Variants in BRINP3 observed in about 807,000 individuals in gnomAD.
BRINP3 encodes the protein BMP/retinoic acid-inducible neural-specific protein 3.
A neutral mutation model predicts 71.0 loss-of-function variants in BRINP3; 19 were observed. The observed-to-expected ratio is 0.27, with a 90% CI of 0.19 to 0.39. BRINP3 has a LOEUF of 0.39. BRINP3 is among the 10% of genes least tolerant of loss of function. The pLI, the probability that BRINP3 is intolerant of heterozygous loss-of-function variation, is 1.00. For missense variants in BRINP3, 959 were observed against 940.8 expected, an observed-to-expected ratio of 1.02 and a Z score of -0.25; for synonymous variants, 380 against 337.7, an observed-to-expected ratio of 1.13 and a Z score of -1.37.
chr1:190,355,247 A>T (rs896965991), intron 2 of BRINP3, among the ~76,000 whole-genome samples: 7 of 151,922 alleles, frequency 4.6e-5, no homozygotes, highest in African/African-American at 1.7e-4. Context: ...CATTCAAATA[A>T]TACAACCTTT....
At chr1:190,422,950 G>C (rs1391817973) in intron 2 of BRINP3, among the ~76,000 whole-genome samples, 1 of 151,644 alleles carries the variant, frequency 6.6e-6, no homozygotes, top group Admixed American at 6.6e-5. Flanking sequence ...ATATTTTTAA[G>C]AATCCTTGAA....
intron 6 of BRINP3, among the ~76,000 whole-genome samples, chr1:190,166,258 T>C (rs1651529085): frequency 6.6e-6 from 1 of 152,190 alleles, no homozygotes; most frequent in Non-Finnish European, 1.5e-5. Context: ...CATAAGGGTA[T>C]AAATCAGAAA....
chr1:190,100,902 G>A (rs1651645499), intron 7 of BRINP3, among the ~76,000 whole-genome samples: 1 of 152,070 alleles, frequency 6.6e-6, no homozygotes, highest in South Asian at 2.1e-4. Context: ...ATTGTGAGGT[G>A]GTATCTAATG....
At chr1:190,472,271 G>A (rs1340809351) in intron 1 of BRINP3, among the ~76,000 whole-genome samples, 1 of 151,454 alleles carries the variant, frequency 6.6e-6, no homozygotes, top group African/African-American at 2.4e-5. Context: ...TTAATGCCAG[G>A]TAGAACTAGA....
At chr1:190,354,293 A>G (rs1277497275) in intron 2 of BRINP3, among the ~76,000 whole-genome samples, 1 of 151,940 alleles carries the variant, frequency 6.6e-6, no homozygotes, top group Non-Finnish European at 1.5e-5. Context: ...ATGGGGTGCT[A>G]GTGGCATTAC....
chr1:190,316,947 C>A (rs547632997), intron 2 of BRINP3, among the ~76,000 whole-genome samples: 2 of 151,802 alleles, frequency 1.3e-5, no homozygotes, highest in African/African-American at 2.4e-5. Flanking sequence ...CTGAGGTGGG[C>A]GGATCACCTG....
chr1:190,425,717 C>T (rs1673660618), intron 2 of BRINP3, among the ~76,000 whole-genome samples: 1 of 151,790 alleles, frequency 6.6e-6, no homozygotes, highest in African/African-American at 2.4e-5. Context: ...TGTTGCACAA[C>T]AGCTAAGTTG....
At chr1:190,280,946 T>G (rs568430544) in intron 3 of BRINP3, among the ~76,000 whole-genome samples, 2 of 152,018 alleles carry the variant, frequency 1.3e-5, no homozygotes, top group East Asian at 3.9e-4. Flanking sequence ...GAATCACACA[T>G]CACTATGAAA....
At chr1:190,462,393 T>A (rs2102666931) in intron 1 of BRINP3, among the ~76,000 whole-genome samples, 1 of 152,162 alleles carries the variant, frequency 6.6e-6, no homozygotes, top group East Asian at 1.9e-4. Context: ...TATATGAAAG[T>A]CAAACCTAGA....
chr1:190,418,878 C>T (rs1172419925), intron 2 of BRINP3, among the ~76,000 whole-genome samples: 1 of 152,042 alleles, frequency 6.6e-6, no homozygotes, highest in East Asian at 1.9e-4. Flanking sequence ...CAAGCCCAAA[C>T]TAATGTACGA....
intron 3 of BRINP3, among the ~76,000 whole-genome samples, chr1:190,270,622 T>A (rs545326003): frequency 6.6e-6 from 1 of 151,726 alleles, no homozygotes; most frequent in Non-Finnish European, 1.5e-5. Flanking sequence ...TGTACAAATA[T>A]CTCTATTTTG....
intron 4 of BRINP3, among the ~76,000 whole-genome samples, chr1:190,252,745 T>C (rs1001759048): frequency 1.3e-5 from 2 of 151,972 alleles, no homozygotes; most frequent in African/African-American, 4.8e-5. Context: ...CTCGATAACA[T>C]TATGTTGCAT....
chr1:190,261,683 C>T (rs979820607), intron 4 of BRINP3, among the ~76,000 whole-genome samples: 3 of 152,150 alleles, frequency 2.0e-5, no homozygotes, highest in Admixed American at 1.3e-4. Context: ...AATCACAGAA[C>T]AACTTCATTC....
At chr1:190,174,653 A>G (rs1398705893) in intron 6 of BRINP3, among the ~76,000 whole-genome samples, 1 of 152,110 alleles carries the variant, frequency 6.6e-6, no homozygotes, top group Admixed American at 6.6e-5. Flanking sequence ...CACCAATTTC[A>G]TAGTATTTAT....
In BRINP3 at chr1:190,443,404, CA is replaced by C. The variant is rs560504461; in HGVS notation, c.236+11250del. 7.1e-3 allele frequency among the ~76,000 whole-genome samples: 524 copies of C among 73,548 alleles called. 4 individuals are homozygous for C. Among genetic ancestry groups the C allele is most frequent in the Admixed American group, 0.05 (337 of 6,732 alleles). 48.3% of individuals were successfully genotyped at this position (73,548 alleles called of 152,430 possible). A position where few individuals can be genotyped will look rare whatever the true frequency, so the allele number is the denominator to read the frequency against. ...TGGGCGACAGAGCAAGACTCCGTCT[CA>C]AAAAAAAAAAAAAGAAAAGAAAAGA... On this transcript the variant is annotated intron_variant, in intron 2 of 7. Transcript: ENST00000367462.
intron 2 of BRINP3, among the ~76,000 whole-genome samples, chr1:190,380,131 GAT>G (rs1202437461): frequency 6.6e-6 from 1 of 152,032 alleles, no homozygotes; most frequent in East Asian, 1.9e-4. Context: ...AGCCTTGTTG[GAT>G]GCCTGTAACA....
chr1:190,282,750 A>G (rs1663134160), intron 2 of BRINP3, among the ~76,000 whole-genome samples: 1 of 151,996 alleles, frequency 6.6e-6, no homozygotes, highest in Non-Finnish European at 1.5e-5. Flanking sequence ...CTTTTGGAGA[A>G]ATGTTTAGGA....
intron 2 of BRINP3, among the ~76,000 whole-genome samples, chr1:190,328,361 A>G (rs1666745824): frequency 6.6e-6 from 1 of 152,076 alleles, no homozygotes; most frequent in Non-Finnish European, 1.5e-5. Context: ...ACAATCAGAT[A>G]TGACAAATAT....
chr1:190,208,207 C>T (rs1026302519), intron 6 of BRINP3, among the ~76,000 whole-genome samples: 2 of 151,886 alleles, frequency 1.3e-5, no homozygotes, highest in African/African-American at 2.4e-5. Flanking sequence ...ATCCACCCAA[C>T]ACGGCTGCCC....
Sources: gnomAD v4.1 joint callset for allele counts (sites outside exome capture counted in the v4.1 genomes callset) on GRCh38, gnomAD v4.1.1 for gene constraint, MANE v1.5 for transcripts, NCBI Gene and HGNC (gene_info 2026-07-23, HGNC 2026-07-21) for gene names.